Variants in MGAM observed in about 807,000 individuals in gnomAD.
MGAM encodes alpha-1,4-glucosidase.
Under a neutral mutation model 358.8 loss-of-function variants are expected in MGAM, and 253 were observed. The ratio of observed to expected loss-of-function variants is 0.71; its 90% CI spans 0.64 to 0.78. The LOEUF is 0.78. Among genes scored for constraint, MGAM ranks in the 30% least tolerant of loss-of-function variants. The pLI is 0.00. For synonymous variants in MGAM, 1,105 were observed against 1,227.1 expected (o/e 0.90, Z 2.08); for missense variants, 3,080 against 3,432.6 (o/e 0.90, Z 2.57).
intron 1 of MGAM, among the ~76,000 whole-genome samples, chr7:141,996,287 C>T (rs1804224061): frequency 2.7e-5 from 4 of 146,602 alleles, no homozygotes; most frequent in African/African-American, 1.0e-4. Context: ...GGTCGTAGAG[C>T]GATACTCCGT....
upstream of MGAM, among the ~76,000 whole-genome samples, chr7:141,993,550 C>T (rs543818324): frequency 6.6e-6 from 1 of 152,334 alleles, no homozygotes; most frequent in East Asian, 1.9e-4. Context: ...GAGCGGGGAA[C>T]TCTGCCCCAC....
At chr7:142,069,304 CAT>C (rs1191028619) in intron 43 of MGAM, among the ~76,000 whole-genome samples, 5 of 145,722 alleles carry the variant, frequency 3.4e-5, no homozygotes, top group South Asian at 2.2e-4. Context: ...CTCCTTGCCG[CAT>C]AGTTTCATTG....
intron 2 of MGAM, 146 bp from the exon 3 acceptor site, chr7:142,008,360 A>G (rs1409140113): frequency 2.4e-6 from 2 of 832,674 alleles, no homozygotes; most frequent in Non-Finnish European, 3.7e-6. Flanking sequence ...GAACAAAGTG[A>G]CATTTTATAA....
intron 21 of MGAM, among the ~76,000 whole-genome samples, chr7:142,041,429 G>A (rs918550479): frequency 2.0e-5 from 3 of 151,906 alleles, no homozygotes; most frequent in African/African-American, 7.3e-5. Context: ...GATACTAATG[G>A]AAAATATCCC....
chr7:142,040,444 A>G lies in MGAM; in HGVS notation c.2373+273A>G, dbSNP rs58993209. On this transcript the variant is annotated intron_variant, in intron 20 of 70. Transcript: ENST00000475668. ...TTAATATTGGAGGAACTGATGGACAATGTGAGCTTGGTCAGGAATCAGACT... is the reference window on the plus strand; with the variant it reads ...TTAATATTGGAGGAACTGATGGACAGTGTGAGCTTGGTCAGGAATCAGACT... 5.1e-4 allele frequency: 297 copies of G among 582,800 alleles called. 1 individual carries two copies. Among genetic ancestry groups the G allele is most frequent in the African/African-American group, 4.9e-3 (264 of 53,530 alleles). 36.1% of individuals were successfully genotyped at this position (582,800 alleles called of 1,614,324 possible). A position where few individuals can be genotyped will look rare whatever the true frequency, so the allele number is the denominator to read the frequency against.
Position 142,083,266 on chromosome 7 carries a change from T to C in MGAM, c.6269-35T>C. 4.1e-6 allele frequency: 6 copies of C among 1,465,414 alleles called. 2 individuals carry two copies. The highest frequency in any genetic ancestry group is 1.9e-6 in the Non-Finnish European group (2 of 1,060,878). The allele number at this position is 1,465,414 out of a possible 1,614,324, so 90.8% of individuals were successfully genotyped here. ...CAGGGGTGATTCATGACGTGGAAAG[T>C]TTCCAGCTTGATTAGCATTTTTCTT... is the stretch of plus-strand genomic sequence containing the variant. On this transcript the variant is annotated intron_variant, in intron 52 of 70. Coordinates refer to ENST00000475668, the MANE Select transcript of MGAM (RefSeq NM_001365693.1).
intron 43 of MGAM, among the ~76,000 whole-genome samples, chr7:142,069,014 G>T (rs1813094482): frequency 6.8e-6 from 1 of 146,490 alleles, no homozygotes; most frequent in Admixed American, 6.9e-5. Flanking sequence ...TGTAAAGGCA[G>T]ATGCTAGCCA....
rs60202972 is a variant in MGAM at position 142,088,747 on chromosome 7, GTCTATCTATCTATCTATCTATCTATCTA to G, written c.6810+2057_6810+2084del. Among the ~76,000 whole-genome samples, 27 of 93,518 alleles carry G rather than the reference GTCTATCTATCTATCTATCTATCTATCTA, an allele frequency of 2.9e-4. No individual in the cohort carries two copies. The East Asian group carries it at 3.1e-3, about 11-fold the overall frequency. The allele number at this position is 93,518 out of a possible 152,430, so 61.4% of individuals were successfully genotyped here. Reference sequence around the variant, plus strand: ...TGTCTGTCTGTCTGTCTGTCTGTCTGTCTATCTATCTATCTATCTATCTATCTATCTATCTATCTATCTATCTATCTAT... The same window carrying G: ...TGTCTGTCTGTCTGTCTGTCTGTCTGTCTATCTATCTATCTATCTATCTAT... On this transcript the variant is annotated intron_variant, in intron 57 of 70. Transcript: ENST00000475668.
Position 142,027,709 on chromosome 7 carries a change from A to G in MGAM, c.1195A>G (p.Arg399Gly), listed in dbSNP as rs1807103149. The G allele has an allele frequency of 6.2e-7, 1 of 1,612,968 alleles. No homozygotes were observed. Among genetic ancestry groups the G allele is most frequent in the Non-Finnish European group, 8.5e-7 (1 of 1,179,326 alleles). ...AGACAACATGAGGGAAGTCGTGGAGAGAAATCGCGCAGCACAGCTCCCTTA... is the reference window on the plus strand; with the variant it reads ...AGACAACATGAGGGAAGTCGTGGAGGGAAATCGCGCAGCACAGCTCCCTTA... ...TLDNMREVVE[R>G]NRAAQLPYDV... Residue 399 changes from arginine to glycine, a missense_variant, in exon 10 of 71, where the codon AGA (arginine) becomes GGA (glycine). Coordinates refer to ENST00000475668, the MANE Select transcript of MGAM (RefSeq NM_001365693.1).
intron 42 of MGAM, among the ~76,000 whole-genome samples, chr7:142,068,133 T>G (rs1488325419): frequency 8.4e-6 from 1 of 119,646 alleles, no homozygotes; most frequent in Non-Finnish European, 1.9e-5. Context: ...ACTACAGGCA[T>G]GTGCCACCAT....
upstream of MGAM, among the ~76,000 whole-genome samples, chr7:141,991,195 C>A (rs1194557254): frequency 2.6e-5 from 4 of 152,214 alleles, no homozygotes; most frequent in East Asian, 7.7e-4. Flanking sequence ...GCATGGAAAT[C>A]ATTTAGCATA....
intron 21 of MGAM, among the ~76,000 whole-genome samples, chr7:142,047,535 T>A (rs1027331286): frequency 6.6e-6 from 1 of 152,198 alleles, no homozygotes; most frequent in Non-Finnish European, 1.5e-5. Flanking sequence ...GTTATTGCAG[T>A]GCCTCTGGTG....
At chr7:142,004,887 G>A (rs1314017480) in intron 1 of MGAM, among the ~76,000 whole-genome samples, 1 of 151,958 alleles carries the variant, frequency 6.6e-6, no homozygotes, top group Non-Finnish European at 1.5e-5. Flanking sequence ...AAGTCTCCTG[G>A]AAGATGCTAT....
intron 42 of MGAM, among the ~76,000 whole-genome samples, chr7:142,067,965 A>ATAAAT (rs1812963514): frequency 3.3e-5 from 1 of 30,112 alleles, no homozygotes; most frequent in African/African-American, 1.1e-4. Context: ...TATATATATA[A>ATAAAT]ATATATATAT....
intron 30 of MGAM, among the ~76,000 whole-genome samples, chr7:142,057,965 A>G (rs1811717554): frequency 6.6e-6 from 1 of 152,142 alleles, no homozygotes; most frequent in Admixed American, 6.5e-5. Flanking sequence ...CCAGTTATCT[A>G]CAGTGTCTCT....
Position 142,068,633 on chromosome 7 carries a change from G to C in MGAM, c.5005-14G>C. On this transcript the variant is annotated splice_polypyrimidine_tract_variant and intron_variant, in intron 42 of 70. Transcript: ENST00000475668. ...ATGGTGGCACTGCCTCACCTTGTTT[G>C]TGTTTCATTTTAGAATGCCAGAAAT... 1 of 1,522,274 alleles carries C rather than the reference G, an allele frequency of 6.6e-7. No homozygotes were observed. 94.3% of individuals were successfully genotyped at this position (1,522,274 alleles called of 1,614,324 possible). A position where few individuals can be genotyped will look rare whatever the true frequency, so the allele number is the denominator to read the frequency against.
In MGAM at chr7:142,073,247, CT is replaced by C. The variant is rs1470520556; in HGVS notation, c.5187-837del. Among the ~76,000 whole-genome samples the C allele has an allele frequency of 3.4e-5, 5 of 145,972 alleles. 2 individuals are homozygous for C. Among genetic ancestry groups the C allele is most frequent in the Non-Finnish European group, 4.7e-5 (3 of 64,470 alleles). The stretch of plus-strand genomic sequence containing the variant: ...TTAATTTTTGTATCTCATTGACTTC[CT>C]AGAAATGACTGCTACTCAATACATG... On this transcript the variant is annotated intron_variant, in intron 44 of 70. Coordinates refer to ENST00000475668, the MANE Select transcript of MGAM (RefSeq NM_001365693.1).
chr7:142,045,253 T>C (rs561774366), intron 21 of MGAM, among the ~76,000 whole-genome samples: 5,433 of 81,682 alleles, frequency 0.067, 782 homozygotes, highest in African/African-American at 0.25. Flanking sequence ...TAATATATGA[T>C]ATATAATATA....
At chr7:142,004,006 G>T in intron 1 of MGAM, among the ~76,000 whole-genome samples, 1 of 151,894 alleles carries the variant, frequency 6.6e-6, no homozygotes, top group Non-Finnish European at 1.5e-5. Flanking sequence ...ATCTTACACT[G>T]GTCAGAATGG....
Sources: gnomAD v4.1 joint callset for allele counts (sites outside exome capture counted in the v4.1 genomes callset) on GRCh38, gnomAD v4.1.1 for gene constraint, MANE v1.5 for transcripts, NCBI Gene and HGNC (gene_info 2026-07-23, HGNC 2026-07-21) for gene names.